The following OPCML variants were observed in gnomAD, a reference collection of about 807,000 sequenced individuals.
The protein encoded by OPCML is opioid binding protein/cell adhesion molecule like.
OPCML carries 13 observed loss-of-function variants against 37.8 expected under a neutral mutation model. That is an observed-to-expected ratio of 0.34 (90% confidence interval 0.22 to 0.55). The LOEUF (loss-of-function observed/expected upper bound fraction) is 0.55, where lower values mean the gene tolerates loss of function less well. Among genes scored for constraint, OPCML ranks in the 20% least tolerant of loss-of-function variants. OPCML has a pLI of 0.91. For missense variants in OPCML, 341 were observed against 435.6 expected (o/e 0.78, Z 1.93); for synonymous variants, 176 against 168.8 (o/e 1.04, Z -0.33).
intron 3 of OPCML, among the ~76,000 whole-genome samples, chr11:132,568,033 T>C (rs1412931901): frequency 6.9e-6 from 1 of 144,530 alleles, no homozygotes; most frequent in Non-Finnish European, 1.5e-5. Context: ...TCTGTGTGTG[T>C]GTGTGTGTGC....
chr11:133,136,306 A>G (rs1245055172), intron 1 of OPCML, among the ~76,000 whole-genome samples: 1 of 152,190 alleles, frequency 6.6e-6, no homozygotes, highest in African/African-American at 2.4e-5. Flanking sequence ...TGTGGTGTCT[A>G]TGCCTCTGCT....
At chr11:133,064,529 G>A (rs879903432) in intron 1 of OPCML, among the ~76,000 whole-genome samples, 7 of 152,200 alleles carry the variant, frequency 4.6e-5, no homozygotes, top group Non-Finnish European at 8.8e-5. Context: ...CTCAGGGGCC[G>A]CTGCAGGGCC....
intron 1 of OPCML, among the ~76,000 whole-genome samples, chr11:133,108,197 GA>G (rs1282441576): frequency 5.9e-5 from 9 of 152,190 alleles, no homozygotes; most frequent in Admixed American, 1.3e-4. Flanking sequence ...TACGTTTGCT[GA>G]TCAGTGTCAA....
chr11:133,106,700 A>G (rs1565450140), intron 1 of OPCML, among the ~76,000 whole-genome samples: 5 of 152,272 alleles, frequency 3.3e-5, no homozygotes. Context: ...ACCAGACAAT[A>G]GAGCACATGT....
chr11:132,553,278 T>C (rs1000558180), intron 3 of OPCML, among the ~76,000 whole-genome samples: 2 of 152,320 alleles, frequency 1.3e-5, no homozygotes, highest in Non-Finnish European at 2.9e-5. Flanking sequence ...TCGTGGCTTA[T>C]GGATCAGAAC....
rs1296210586 is a variant in OPCML at position 132,452,567 on chromosome 11, T to G, written c.506-15208A>C. On this transcript the variant is annotated intron_variant, in intron 4 of 7. Coordinates refer to ENST00000524381, the MANE Select transcript of OPCML (RefSeq NM_001012393.5). Reference sequence around the variant, plus strand: ...TGCCTGCCTTCCTTTTTTCCTTCCTTCCTGCCTGCCTTCCTACTTTCCTTC... The same window carrying G: ...TGCCTGCCTTCCTTTTTTCCTTCCTGCCTGCCTGCCTTCCTACTTTCCTTC... 2.7e-4 allele frequency among the ~76,000 whole-genome samples: 41 copies of G among 149,954 alleles called. No individual in the cohort carries two copies. The South Asian group carries it at 8.6e-3, about 31-fold the overall frequency.
chr11:132,791,928 G>A (rs990772523), intron 2 of OPCML, among the ~76,000 whole-genome samples: 2 of 152,122 alleles, frequency 1.3e-5, no homozygotes, highest in African/African-American at 2.4e-5. Context: ...GTGGTGATTA[G>A]TACAAGGACT....
chr11:132,966,641 TG>T (rs1401315833), intron 1 of OPCML, among the ~76,000 whole-genome samples: 12 of 152,248 alleles, frequency 7.9e-5, no homozygotes, highest in African/African-American at 2.9e-4. Context: ...TTATTAAGAA[TG>T]AAGTACTAAA....
chr11:132,996,682 C>G (rs1455771333), intron 1 of OPCML, among the ~76,000 whole-genome samples: 1 of 150,118 alleles, frequency 6.7e-6, no homozygotes, highest in Non-Finnish European at 1.5e-5. Flanking sequence ...CCCGGAGCCA[C>G]AAAACAAGAC....
At chr11:133,461,962 A>G (rs570724552) in intron 1 of OPCML, among the ~76,000 whole-genome samples, 1 of 152,138 alleles carries the variant, frequency 6.6e-6, no homozygotes, top group Non-Finnish European at 1.5e-5. Context: ...CAAAGAGCCA[A>G]GAAACAAACC....
intron 1 of OPCML, among the ~76,000 whole-genome samples, chr11:133,401,289 T>C (rs893939917): frequency 2.0e-5 from 3 of 152,248 alleles, no homozygotes; most frequent in East Asian, 1.9e-4. Context: ...TATAAAGAGA[T>C]AGAAAATGAA....
chr11:133,445,442 G>A (rs567622675), intron 1 of OPCML, among the ~76,000 whole-genome samples: 10 of 152,292 alleles, frequency 6.6e-5, no homozygotes, highest in African/African-American at 2.2e-4. Context: ...TCTGTGAGTA[G>A]AAGTAATAAT....
At chr11:133,062,334 C>G (rs1948358350) in intron 1 of OPCML, among the ~76,000 whole-genome samples, 1 of 152,224 alleles carries the variant, frequency 6.6e-6, no homozygotes, top group Admixed American at 6.5e-5. Flanking sequence ...TCTTAAATCT[C>G]TCAGGTCCTT....
At chr11:132,861,740 C>G (rs1207119777) in intron 2 of OPCML, among the ~76,000 whole-genome samples, 1 of 151,378 alleles carries the variant, frequency 6.6e-6, no homozygotes, top group African/African-American at 2.4e-5. Context: ...GAGGCTGAGG[C>G]AGGGGAATCG....
intron 2 of OPCML, chr11:132,772,348 T>G (rs1018573082): frequency 1.3e-5 from 2 of 152,206 alleles, no homozygotes; most frequent in African/African-American, 4.8e-5. Flanking sequence ...CCCGTGCACA[T>G]GCTGGCGACG....
chr11:133,300,759 C>G (rs1942756673), intron 1 of OPCML: 1 of 152,168 alleles, frequency 6.6e-6, no homozygotes, highest in Admixed American at 6.5e-5. Flanking sequence ...TGAACACCAT[C>G]ACAAGTGTTC....
chr11:133,090,910 C>T (rs997990230), intron 1 of OPCML, among the ~76,000 whole-genome samples: 18 of 152,262 alleles, frequency 1.2e-4, no homozygotes, highest in South Asian at 6.2e-4. Flanking sequence ...AAGCTAGATG[C>T]TATTCATCAA....
chr11:132,720,360 C>G (rs914421564), intron 2 of OPCML, among the ~76,000 whole-genome samples: 3 of 152,214 alleles, frequency 2.0e-5, no homozygotes, highest in Non-Finnish European at 4.4e-5. Flanking sequence ...AAAGGGCCTC[C>G]TATGGCCTGC....
At chr11:133,171,835 T>A (rs539737587) in intron 1 of OPCML, among the ~76,000 whole-genome samples, 1 of 152,162 alleles carries the variant, frequency 6.6e-6, no homozygotes, top group Non-Finnish European at 1.5e-5. Flanking sequence ...TACAAGAACC[T>A]CCTTAGGGGA....
Sources: allele counts gnomAD v4.1 joint callset (sites outside exome capture counted in the v4.1 genomes callset), GRCh38; gene constraint gnomAD v4.1.1; transcripts MANE v1.5; gene names NCBI Gene and HGNC (gene_info 2026-07-23, HGNC 2026-07-21).